The following KLHDC1 variants were observed in gnomAD, a reference collection of about 807,000 sequenced individuals.
KLHDC1 encodes the protein kelch domain containing 1.
In KLHDC1, 53 loss-of-function variants were observed where a neutral mutation model predicts 68.3. The observed-to-expected ratio is 0.78, with a 90% confidence interval of 0.62 to 0.98. The LOEUF is 0.98. Ranked by LOEUF, KLHDC1 falls within the 50% of genes least tolerant of loss-of-function variation. The pLI is 0.00. For missense variants in KLHDC1, 470 were observed against 492.3 expected (o/e 0.95, Z 0.43); for synonymous variants, 148 against 159.0 (o/e 0.93, Z 0.52).
At chr14:49,706,780 C>A (rs1004945649) in intron 1 of KLHDC1, among the ~76,000 whole-genome samples, 1 of 152,160 alleles carries the variant, frequency 6.6e-6, no homozygotes, top group African/African-American at 2.4e-5. Context: ...CTTATGTCTT[C>A]TTTGGAGAAA....
At chr14:49,737,876 A>C (rs188448617) in intron 10 of KLHDC1, among the ~76,000 whole-genome samples, 268 of 151,678 alleles carry the variant, frequency 1.8e-3, no homozygotes, top group African/African-American at 5.9e-3. Context: ...AAAAAAAAAA[A>C]AAAAAAAAAA....
intron 10 of KLHDC1, 47 bp from the exon 11 acceptor site, chr14:49,740,050 GT>G: frequency 9.6e-7 from 1 of 1,036,882 alleles, no homozygotes; most frequent in Middle Eastern, 2.1e-4. Flanking sequence ...ATAATGTACA[GT>G]TTCTCCCATG....
At chr14:49,694,205 T>C (rs939212059) in intron 1 of KLHDC1, among the ~76,000 whole-genome samples, 1 of 152,146 alleles carries the variant, frequency 6.6e-6, no homozygotes, top group Admixed American at 6.5e-5. Context: ...CGTATGTGTG[T>C]GTTGTGTGTC....
At chr14:49,744,759 T>A (rs1307233140) in intron 12 of KLHDC1, among the ~76,000 whole-genome samples, 1 of 152,192 alleles carries the variant, frequency 6.6e-6, no homozygotes, top group Non-Finnish European at 1.5e-5. Context: ...CAGATGCAAC[T>A]GTCATAAGCC....
Position 49,751,746 on chromosome 14 carries a change from A to G in KLHDC1, c.1195A>G (p.Lys399Glu). The G allele has an allele frequency of 6.3e-7, 1 of 1,582,452 alleles. No homozygotes were observed. Among genetic ancestry groups the G allele is most frequent in the Non-Finnish European group, 8.6e-7 (1 of 1,160,904 alleles). Residue 399 changes from lysine (K) to glutamate (E), a missense_variant, in exon 13 of 13, where the codon AAA becomes GAA. Lys to Glu is a moderately conservative substitution (Grantham distance 56). Coordinates refer to ENST00000359332, the MANE Select transcript of KLHDC1 (RefSeq NM_172193.3). The stretch of plus-strand genomic sequence containing the variant: ...AGTCCAAAAAGAAGAAACAGAAAAT[A>G]AATATCAGTGGATCAGTAGCAATTA... Reference protein sequence around the residue: ...QRVQKEETENKYQWISSN With the variant: ...QRVQKEETENEYQWISSN
At chr14:49,743,290 C>G (rs550037691) in intron 11 of KLHDC1, among the ~76,000 whole-genome samples, 17 of 150,906 alleles carry the variant, frequency 1.1e-4, no homozygotes, top group African/African-American at 3.7e-4. Flanking sequence ...ATTCCAGCTA[C>G]TCAGGAGGCT....
intron 1 of KLHDC1, among the ~76,000 whole-genome samples, chr14:49,693,890 CT>C (rs1434055383): frequency 6.6e-6 from 1 of 151,096 alleles, no homozygotes; most frequent in Non-Finnish European, 1.5e-5. Context: ...AGTAGCTGGG[CT>C]TACCGGCATG....
chr14:49,723,271 G>A (rs927965784), intron 4 of KLHDC1, among the ~76,000 whole-genome samples: 10 of 151,750 alleles, frequency 6.6e-5, no homozygotes, highest in Non-Finnish European at 1.5e-4. Flanking sequence ...ACCATATCGC[G>A]CCTGTAATCC....
chr14:49,713,865 TTTC>T, intron 4 of KLHDC1, among the ~76,000 whole-genome samples: 1 of 93,424 alleles, frequency 1.1e-5, no homozygotes, highest in African/African-American at 4.1e-5. Flanking sequence ...TTTTTTTTTT[TTTC>T]CTGAGACAGA....
At chr14:49,699,315 T>A (rs1887834440) in intron 1 of KLHDC1, among the ~76,000 whole-genome samples, 1 of 151,972 alleles carries the variant, frequency 6.6e-6, no homozygotes, top group Admixed American at 6.6e-5. Context: ...GTCTACTACT[T>A]TTTTAAATTC....
chr14:49,697,070 G>A (rs554525528), intron 1 of KLHDC1, among the ~76,000 whole-genome samples: 1 of 152,096 alleles, frequency 6.6e-6, no homozygotes, highest in Non-Finnish European at 1.5e-5. Flanking sequence ...CCGAGAAGCT[G>A]GGACTACAGG....
chr14:49,714,792 G>C (rs1888325630), intron 4 of KLHDC1, among the ~76,000 whole-genome samples: 1 of 148,258 alleles, frequency 6.7e-6, no homozygotes, highest in Admixed American at 6.8e-5. Context: ...ATAAATGTAT[G>C]GTATATGTTA....
In KLHDC1 at chr14:49,732,763, C is replaced by G. The variant is rs762261269; in HGVS notation, c.770C>G (p.Ala257Gly). The change falls in exon 9 of 13, where the codon GCT becomes GGT. Residue 257 changes from alanine (A) to glycine (G), a missense_variant. Physicochemically the swap from Ala to Gly is moderately conservative, Grantham distance 60. Transcript: ENST00000359332. ...HRSWHTLTPI[A>G]DDKLFLCGGL... ...TCATGGCATACTTTAACACCTATAGCTGATGATAAACTTTTCCTATGTGGT... is the reference window on the plus strand; with the variant it reads ...TCATGGCATACTTTAACACCTATAGGTGATGATAAACTTTTCCTATGTGGT... The G allele has an allele frequency of 1.2e-6, 2 of 1,610,222 alleles. No individual in the cohort carries two copies. The highest frequency in any genetic ancestry group is 2.2e-5 in the South Asian group (2 of 90,960).
At position 49,718,174 on chromosome 14, in the gene KLHDC1, C is replaced by T. The variant is rs565443594; in HGVS notation, c.405-5700C>T. Among the ~76,000 whole-genome samples the T allele has an allele frequency of 2.5e-4, 38 of 152,210 alleles. No individual in the cohort carries two copies. In the South Asian group the frequency reaches 7.7e-3, roughly 31 times the overall value. ...TTGCTAGGATTACAGGCATGAACCA[C>T]TGTGCCCAGCATTGAGGGTGTGGGT... is the stretch of plus-strand genomic sequence containing the variant. On this transcript the variant is annotated intron_variant, in intron 4 of 12. Coordinates refer to ENST00000359332, the MANE Select transcript of KLHDC1 (RefSeq NM_172193.3).
At chr14:49,716,350 T>A (rs1888376436) in intron 4 of KLHDC1, among the ~76,000 whole-genome samples, 1 of 151,962 alleles carries the variant, frequency 6.6e-6, no homozygotes, top group Non-Finnish European at 1.5e-5. Flanking sequence ...GGGAATTAAG[T>A]GACTGAGAGT....
chr14:49,713,259 C>T (rs1173685303), intron 4 of KLHDC1, among the ~76,000 whole-genome samples: 1 of 152,092 alleles, frequency 6.6e-6, no homozygotes, highest in Non-Finnish European at 1.5e-5. Flanking sequence ...CAGCCCATAG[C>T]TAACTATTTT....
chr14:49,700,302 G>A (rs1887868469), intron 1 of KLHDC1: 1 of 163,768 alleles, frequency 6.1e-6, no homozygotes. Flanking sequence ...ATCTTCACAG[G>A]CTGGGTGTGG....
intron 4 of KLHDC1, among the ~76,000 whole-genome samples, chr14:49,720,794 T>G (rs534594193): frequency 6.6e-6 from 1 of 152,340 alleles, no homozygotes; most frequent in East Asian, 1.9e-4. Context: ...TTGGATATTT[T>G]TTGTGAATCT....
intron 1 of KLHDC1, among the ~76,000 whole-genome samples, chr14:49,696,707 T>C (rs987767534): frequency 5.3e-5 from 8 of 152,206 alleles, no homozygotes; most frequent in African/African-American, 1.9e-4. Flanking sequence ...TGCTTTCATA[T>C]TACTCATTTT....
Sources: allele counts gnomAD v4.1 joint callset (sites outside exome capture counted in the v4.1 genomes callset), GRCh38; gene constraint gnomAD v4.1.1; transcripts MANE v1.5; gene names NCBI Gene and HGNC (gene_info 2026-07-23, HGNC 2026-07-21).